CTNNA2: variants seen among roughly 807,000 people sequenced by gnomAD.
The protein encoded by CTNNA2 is catenin alpha 2.
A neutral mutation model predicts 101.0 loss-of-function variants in CTNNA2; 42 were observed. That is an observed-to-expected ratio of 0.42 (90% CI 0.32 to 0.54). The LOEUF (loss-of-function observed/expected upper bound fraction) is 0.54. Among genes scored for constraint, CTNNA2 ranks in the 20% least tolerant of loss-of-function variants. CTNNA2 has a pLI of 0.14. For synonymous variants in CTNNA2, 450 were observed against 456.4 expected, an observed-to-expected ratio of 0.99 and a Z score of 0.18; for missense variants, 871 against 1,223.1, an observed-to-expected ratio of 0.71 and a Z score of 4.29.
intron 15 of CTNNA2, among the ~76,000 whole-genome samples, chr2:80,590,744 G>A (rs1696416080): frequency 6.6e-6 from 1 of 152,056 alleles, no homozygotes; most frequent in Non-Finnish European, 1.5e-5. Context: ...TTACTGTTAT[G>A]AAGGAGCCCT....
At chr2:79,784,560 C>G (rs1365566922) in intron 3 of CTNNA2, among the ~76,000 whole-genome samples, 1 of 150,964 alleles carries the variant, frequency 6.6e-6, no homozygotes, top group Non-Finnish European at 1.5e-5. Flanking sequence ...TTTTTCTCCC[C>G]AAACCTGCTC....
chr2:79,916,745 C>A (rs1686252293), intron 7 of CTNNA2, among the ~76,000 whole-genome samples: 2 of 151,596 alleles, frequency 1.3e-5, no homozygotes, highest in Admixed American at 1.3e-4. Flanking sequence ...GCCTCAGCCT[C>A]CCGAGTAGCT....
At chr2:79,813,627 T>G (rs952209353) in intron 3 of CTNNA2, among the ~76,000 whole-genome samples, 1 of 152,160 alleles carries the variant, frequency 6.6e-6, no homozygotes, top group Non-Finnish European at 1.5e-5. Context: ...AAGAGAGGTC[T>G]GGATTGGTGG....
chr2:80,513,071 G>A (rs909031794), intron 9 of CTNNA2, among the ~76,000 whole-genome samples: 9 of 152,150 alleles, frequency 5.9e-5, no homozygotes, highest in Admixed American at 5.9e-4. Flanking sequence ...ACCCACAAGT[G>A]CTCCTCTCTT....
chr2:79,673,029 G>T (rs1357854171), intron 2 of CTNNA2, among the ~76,000 whole-genome samples: 1 of 151,954 alleles, frequency 6.6e-6, no homozygotes, highest in African/African-American at 2.4e-5. Flanking sequence ...TTTTCAACAT[G>T]ATTGAGGTTA....
At chr2:80,271,885 T>G (rs1673517997) in intron 7 of CTNNA2, among the ~76,000 whole-genome samples, 1 of 152,190 alleles carries the variant, frequency 6.6e-6, no homozygotes, top group Admixed American at 6.5e-5. Context: ...ATTTAAAGCC[T>G]TAGAGGATTT....
chr2:80,583,858 C>T (rs777331767), intron 14 of CTNNA2, among the ~76,000 whole-genome samples: 31 of 152,112 alleles, frequency 2.0e-4, no homozygotes, highest in Non-Finnish European at 3.8e-4. Flanking sequence ...AGTGTCTTTT[C>T]TGAGAGTTTT....
intron 3 of CTNNA2, among the ~76,000 whole-genome samples, chr2:79,825,367 T>C (rs1296978357): frequency 6.6e-6 from 1 of 152,114 alleles, no homozygotes; most frequent in Non-Finnish European, 1.5e-5. Context: ...GGTGCACCAG[T>C]TGGGATTTTT....
chr2:79,986,254 C>A (rs1327291922), intron 7 of CTNNA2, among the ~76,000 whole-genome samples: 1 of 152,162 alleles, frequency 6.6e-6, no homozygotes, highest in East Asian at 1.9e-4. Flanking sequence ...GCCTTTGCTT[C>A]TTCCTTTGAA....
chr2:79,463,298 C>T (rs987978732), intron 4 of CTNNA2, among the ~76,000 whole-genome samples: 2 of 150,976 alleles, frequency 1.3e-5, no homozygotes, highest in Non-Finnish European at 2.9e-5. Flanking sequence ...ATCTCAGCTA[C>T]TCGGGAGGCT....
At chr2:79,497,774 T>C (rs1284654596) in intron 4 of CTNNA2, among the ~76,000 whole-genome samples, 1 of 152,224 alleles carries the variant, frequency 6.6e-6, no homozygotes, top group Non-Finnish European at 1.5e-5. Flanking sequence ...CTAAGCAATG[T>C]CTCTTTTAGG....
intron 7 of CTNNA2, among the ~76,000 whole-genome samples, chr2:79,911,525 T>G (rs1200415692): frequency 2.0e-5 from 3 of 152,192 alleles, no homozygotes; most frequent in African/African-American, 4.8e-5. Context: ...CAACTAGAAG[T>G]TTTTCTTTCA....
chr2:79,771,927 A>G (rs1673615452), intron 3 of CTNNA2, among the ~76,000 whole-genome samples: 1 of 152,202 alleles, frequency 6.6e-6, no homozygotes. Context: ...CCTTATAAAA[A>G]TCCCGTGTTA....
chr2:80,199,225 A>G (rs1707043072), intron 7 of CTNNA2, among the ~76,000 whole-genome samples: 1 of 148,632 alleles, frequency 6.7e-6, no homozygotes, highest in Admixed American at 6.7e-5. Flanking sequence ...TGCAGTACAT[A>G]GTTGATAGGA....
chr2:80,626,801 G>C (rs1321649287), intron 18 of CTNNA2, among the ~76,000 whole-genome samples: 1 of 151,918 alleles, frequency 6.6e-6, no homozygotes, highest in African/African-American at 2.4e-5. Flanking sequence ...TGCCATGGTG[G>C]TTTGCTGCAC....
chr2:80,146,592 TGAGTCTAGATTTG>T lies in CTNNA2; in HGVS notation c.1056+236798_1056+236810del, dbSNP rs1171635463. On this transcript the variant is annotated intron_variant, in intron 7 of 18. Transcript: ENST00000402739. Reference sequence around the variant, plus strand: ...CCACTTACTCTTTCTTGCTCTTACTTGAGTCTAGATTTGGACCACGAGACTCTCACTTTAACTG... The same window carrying T: ...CCACTTACTCTTTCTTGCTCTTACTTGACCACGAGACTCTCACTTTAACTG... 2.6e-5 allele frequency among the ~76,000 whole-genome samples: 4 copies of T among 152,210 alleles called. No individual in the cohort carries two copies. In the South Asian group the frequency reaches 8.3e-4, roughly 32 times the overall value.
At chr2:79,630,336 A>T (rs1053897016) in intron 1 of CTNNA2, among the ~76,000 whole-genome samples, 1 of 152,188 alleles carries the variant, frequency 6.6e-6, no homozygotes, top group East Asian at 1.9e-4. Context: ...TTACTCAGTC[A>T]CCTCTATGAA....
At chr2:79,890,781 A>G (rs1684243700) in intron 6 of CTNNA2, among the ~76,000 whole-genome samples, 1 of 146,820 alleles carries the variant, frequency 6.8e-6, no homozygotes, top group Non-Finnish European at 1.5e-5. Context: ...AACAATGGTA[A>G]TTTATTGCTC....
intron 1 of CTNNA2, among the ~76,000 whole-genome samples, chr2:79,517,903 T>C (rs1056840858): frequency 2.0e-5 from 3 of 152,178 alleles, no homozygotes; most frequent in Non-Finnish European, 4.4e-5. Flanking sequence ...TTAGGAAAAC[T>C]TGCATTAACA....
Sources: allele counts gnomAD v4.1 joint callset (sites outside exome capture counted in the v4.1 genomes callset), GRCh38; gene constraint gnomAD v4.1.1; transcripts MANE v1.5; gene names NCBI Gene and HGNC (gene_info 2026-07-23, HGNC 2026-07-21).